The following ITPRID2 variants were observed in gnomAD, a reference collection of about 807,000 sequenced individuals.
The protein encoded by ITPRID2 is protein ITPRID2.
ITPRID2 carries 60 observed loss-of-function variants against 124.3 expected under a neutral mutation model. That is an observed-to-expected ratio of 0.48 (90% CI 0.39 to 0.60). The LOEUF (loss-of-function observed/expected upper bound fraction) is 0.60. Ranked by LOEUF, ITPRID2 falls within the 20% of genes least tolerant of loss-of-function variation. The pLI is 0.00. For synonymous variants in ITPRID2, 521 were observed against 542.9 expected (o/e 0.96, Z 0.56); for missense variants, 1,553 against 1,512.2 (o/e 1.03, Z -0.45).
At position 181,905,949 on chromosome 2, in the gene ITPRID2, T is replaced by C. The variant is rs150463178; in HGVS notation, c.1413+3483T>C. On this transcript the variant is annotated intron_variant, in intron 8 of 17. Coordinates refer to ENST00000431877, the MANE Select transcript of ITPRID2 (RefSeq NM_001130445.3). The surrounding 1 kb of genome is among the most constrained non-coding windows in gnomAD (Gnocchi z 4.1). ...CTCTAACATATGACATGCACAGATA[T>C]CTGCTACTCTAAAGCCCAATTAACC... Among the ~76,000 whole-genome samples the C allele has an allele frequency of 2.0e-3, 299 of 152,344 alleles. No individual in the cohort carries two copies. The highest frequency in any genetic ancestry group is 6.9e-3 in the African/African-American group (288 of 41,584).
In ITPRID2 at chr2:181,891,831, G is replaced by A. The variant is rs931704654; in HGVS notation, c.-236G>A. On this transcript the variant is annotated 5_prime_UTR_variant, in exon 1 of 18. Coordinates refer to ENST00000431877, the MANE Select transcript of ITPRID2 (RefSeq NM_001130445.3). ...CCAGCCGCGCTCCCTCGGGCCACTA[G>A]CGCTCCCGCGCGCGCCCGGCCGCCT... is the stretch of plus-strand genomic sequence containing the variant. 1 of 296,066 alleles carries A rather than the reference G, an allele frequency of 3.4e-6. No individual in the cohort carries two copies. Among genetic ancestry groups the A allele is most frequent in the African/African-American group, 1.9e-4 (1 of 5,354 alleles). The allele number at this position is 296,066 out of a possible 1,614,324, so 18.3% of individuals were successfully genotyped here.
At position 181,930,644 on chromosome 2, in the gene ITPRID2, T is replaced by C. The variant is rs1476635798; in HGVS notation, c.*1097T>C. The C allele has an allele frequency of 6.6e-6, 1 of 152,534 alleles. No individual in the cohort carries two copies. The highest frequency in any genetic ancestry group is 1.9e-4 in the East Asian group (1 of 5,202). 9.4% of individuals were successfully genotyped at this position (152,534 alleles called of 1,614,324 possible). The stretch of plus-strand genomic sequence containing the variant: ...TTGTTAACAGTGTTCTTTGAAAGAA[T>C]CTCTAAAAGGCTTATAAATGTTTGA... On this transcript the variant is annotated 3_prime_UTR_variant, in exon 18 of 18. Transcript: ENST00000431877.
In ITPRID2 at chr2:181,915,486, G is replaced by T; in HGVS notation, c.1846G>T (p.Asp616Tyr). The T allele has an allele frequency of 6.2e-7, 1 of 1,614,196 alleles. No homozygotes were observed. The part of the protein sequence containing the change: ...GTKQSTCSPG[D>Y]HIIEITEVEE... The stretch of plus-strand genomic sequence containing the variant: ...TAAACAGTCCACCTGTAGTCCAGGG[G>T]ATCATATCATTGAAATTACTGAAGT... Residue 616 changes from aspartate (D) to tyrosine (Y), a missense_variant, in exon 11 of 18, where the codon GAT (aspartate) becomes TAT (tyrosine). Asp to Tyr is a radical substitution (Grantham distance 160). Transcript: ENST00000431877.
chr2:181,891,788 CG>C lies in ITPRID2; in HGVS notation c.-276del, dbSNP rs1371275372. The C allele has an allele frequency of 4.2e-6, 1 of 236,602 alleles. No homozygotes were observed. The highest frequency in any genetic ancestry group is 8.1e-6 in the Non-Finnish European group (1 of 123,490). 14.7% of individuals were successfully genotyped at this position (236,602 alleles called of 1,614,324 possible). A position where few individuals can be genotyped will look rare whatever the true frequency, so the allele number is the denominator to read the frequency against. ...CAGGCAGGGGGTGGGGAGCAGGGGC[CG>C]GGCGGGCGCTCGGCTCCCAGCCGCG... is the stretch of plus-strand genomic sequence containing the variant. On this transcript the variant is annotated 5_prime_UTR_variant, in exon 1 of 18. Transcript: ENST00000431877.
Position 181,892,302 on chromosome 2 carries a change from G to T in ITPRID2, c.211+25G>T, listed in dbSNP as rs976516692. On this transcript the variant is annotated intron_variant, in intron 1 of 17. Coordinates refer to ENST00000431877, the MANE Select transcript of ITPRID2 (RefSeq NM_001130445.3). The surrounding 1 kb of genome is among the most constrained non-coding windows in gnomAD (Gnocchi z 5.2). The stretch of plus-strand genomic sequence containing the variant: ...GGTCGGTGCTCCCGGCCGGGCTCCG[G>T]GGGGAGGCTGGTGGGCTGGGGAGAG... 7 of 1,531,354 alleles carry T rather than the reference G, an allele frequency of 4.6e-6. No individual in the cohort carries two copies. Among genetic ancestry groups the T allele is most frequent in the South Asian group, 3.7e-5 (3 of 81,866 alleles). 94.9% of individuals were successfully genotyped at this position (1,531,354 alleles called of 1,614,324 possible). A position where few individuals can be genotyped will look rare whatever the true frequency, so the allele number is the denominator to read the frequency against.
In ITPRID2 at chr2:181,913,776, A is replaced by AT. The variant is rs1198826479; in HGVS notation, c.1487-69_1487-68insT. 18 of 1,102,312 alleles carry AT rather than the reference A, an allele frequency of 1.6e-5. No homozygotes were observed. In the African/African-American group the frequency reaches 2.5e-4, roughly 15 times the overall value. 68.3% of individuals were successfully genotyped at this position (1,102,312 alleles called of 1,614,324 possible). A position where few individuals can be genotyped will look rare whatever the true frequency, so the allele number is the denominator to read the frequency against. ...TCTCTGTAGTAATATTGCTCTCAGT[A>AT]ATTTCTTATAGCCACTTTTTTTATT... is the stretch of plus-strand genomic sequence containing the variant. On this transcript the variant is annotated intron_variant, in intron 9 of 17. Coordinates refer to ENST00000431877, the MANE Select transcript of ITPRID2 (RefSeq NM_001130445.3).
In ITPRID2 at chr2:181,902,498, G is replaced by A. The variant is rs1288404781; in HGVS notation, c.1413+32G>A. ...AAAAAATTACTGAGACTGGTTTCAA[G>A]TTGCAGACTAGGAAAAAAAGTACCA... On this transcript the variant is annotated intron_variant, in intron 8 of 17. Transcript: ENST00000431877. The surrounding 1 kb of genome is among the most constrained non-coding windows in gnomAD (Gnocchi z 4.4). 6.9e-7 allele frequency: 1 copy of A among 1,445,050 alleles called. No homozygotes were observed. The highest frequency in any genetic ancestry group is 9.2e-7 in the Non-Finnish European group (1 of 1,082,992). 89.5% of individuals were successfully genotyped at this position (1,445,050 alleles called of 1,614,324 possible). A position where few individuals can be genotyped will look rare whatever the true frequency, so the allele number is the denominator to read the frequency against.
chr2:181,917,115 A>G (rs932293644), intron 11 of ITPRID2: 1 of 558,060 alleles, frequency 1.8e-6, no homozygotes, highest in African/African-American at 2.0e-5. Context: ...TTTTGAAAAT[A>G]AGTACGTTGT....
chr2:181,913,916 T>C lies in ITPRID2; in HGVS notation c.1558T>C (p.Ser520Pro). Residue 520 changes from serine to proline, a missense_variant, in exon 10 of 18, where the codon TCC becomes CCC. By Grantham distance (74) the Ser-to-Pro change is moderately conservative (BLOSUM62 -1). Transcript: ENST00000431877. ...GFAEDSTDCLSLNHLQVQESL... is the reference protein window; with the variant it reads ...GFAEDSTDCLPLNHLQVQESL... ...TGCTGAAGATTCTACAGACTGCCTA[T>C]CCCTTAATCATCTTCAGGTAAAATT... 6.2e-7 allele frequency: 1 copy of C among 1,612,988 alleles called. No individual in the cohort carries two copies. The highest frequency in any genetic ancestry group is 8.5e-7 in the Non-Finnish European group (1 of 1,179,558).
chr2:181,922,102 A>G lies in ITPRID2; in HGVS notation c.3365A>G (p.His1122Arg), dbSNP rs376217312. ...ESSSVCSGPS[H>R]ANRRTGVPST... is the part of the protein sequence containing the mutation. The stretch of plus-strand genomic sequence containing the variant: ...TCTTCTGTATGTTCTGGTCCCTCTC[A>G]TGCTAACAGAAGAACTGGAGTACCT... The change falls in exon 16 of 18, where the codon CAT (histidine) becomes CGT (arginine). Residue 1122 changes from histidine (H) to arginine (R), a missense_variant. His to Arg is a conservative substitution (Grantham distance 29, BLOSUM62 0). Transcript: ENST00000431877. The G allele has an allele frequency of 1.2e-5, 19 of 1,614,096 alleles. No individual in the cohort carries two copies. The East Asian group carries it at 2.2e-4, about 19-fold the overall frequency.
intron 4 of ITPRID2, 126 bp from the exon 5 acceptor site, chr2:181,898,754 A>G (rs1209590757): frequency 1.7e-5 from 13 of 753,530 alleles, no homozygotes; most frequent in Middle Eastern, 7.5e-4. Flanking sequence ...ATGGACCAAG[A>G]TAAGTGTTTA....
chr2:181,920,315 G>C (rs1354909025), intron 14 of ITPRID2, among the ~76,000 whole-genome samples: 1 of 152,080 alleles, frequency 6.6e-6, no homozygotes, highest in Admixed American at 6.5e-5. Flanking sequence ...ACATGGTTTT[G>C]ATTTATCATT....
chr2:181,929,419 C>T, intron 17 of ITPRID2, 142 bp from the exon 18 acceptor site: 1 of 453,952 alleles, frequency 2.2e-6, no homozygotes, highest in Non-Finnish European at 3.9e-6. Flanking sequence ...AGAATTAACT[C>T]TCAGGAAGAT....
chr2:181,900,465 G>C (rs1307282335), intron 6 of ITPRID2, among the ~76,000 whole-genome samples: 1 of 152,134 alleles, frequency 6.6e-6, no homozygotes, highest in African/African-American at 2.4e-5. Flanking sequence ...GTTGGGGTTA[G>C]CTCTTTTCTG....
At chr2:181,913,415 A>G (rs953765692) in intron 9 of ITPRID2, among the ~76,000 whole-genome samples, 1 of 152,200 alleles carries the variant, frequency 6.6e-6, no homozygotes, top group Non-Finnish European at 1.5e-5. Flanking sequence ...TTTACACACT[A>G]TGCTCTCTAT....
chr2:181,902,605 T>A lies in ITPRID2; in HGVS notation c.1413+139T>A. 1.5e-6 allele frequency: 1 copy of A among 656,614 alleles called. No individual in the cohort carries two copies. Among genetic ancestry groups the A allele is most frequent in the Non-Finnish European group, 2.4e-6 (1 of 410,116 alleles). The allele number at this position is 656,614 out of a possible 1,614,324, so 40.7% of individuals were successfully genotyped here. A position where few individuals can be genotyped will look rare whatever the true frequency, so the allele number is the denominator to read the frequency against. On this transcript the variant is annotated intron_variant, in intron 8 of 17. Coordinates refer to ENST00000431877, the MANE Select transcript of ITPRID2 (RefSeq NM_001130445.3). The surrounding 1 kb of genome is among the most constrained non-coding windows in gnomAD (Gnocchi z 4.4). The stretch of plus-strand genomic sequence containing the variant: ...AATTTTGACTTTCCAGGTTTATGTT[T>A]CACAAACCAAGAATTGGTCTCAGGA...
intron 16 of ITPRID2, among the ~76,000 whole-genome samples, chr2:181,923,733 T>C (rs1248874854): frequency 6.6e-6 from 1 of 152,168 alleles, no homozygotes; most frequent in Admixed American, 6.5e-5. Flanking sequence ...TGCTTTGGTA[T>C]GAAAGTTTTC....
Position 181,922,181 on chromosome 2 carries a change from G to T in ITPRID2, c.3444G>T (p.Val1148=). 6.2e-7 allele frequency: 1 copy of T among 1,614,270 alleles called. No individual in the cohort carries two copies. Among genetic ancestry groups the T allele is most frequent in the Non-Finnish European group, 8.5e-7 (1 of 1,180,054 alleles). The part of the protein sequence containing the change: ...SKTPLVARKK[V]FRASVALTPT... ...CCCCATTAGTGGCAAGGAAGAAAGT[G>T]TTCCGAGCATCGGTGGCTCTAACGC... The change falls in exon 16 of 18, where the codon GTG becomes GTT. Residue 1148 remains valine (V), a synonymous_variant. Transcript: ENST00000431877.
chr2:181,918,799 G>A lies in ITPRID2; in HGVS notation c.2910G>A (p.Leu970=), dbSNP rs746197003. The A allele has an allele frequency of 1.6e-5, 26 of 1,614,014 alleles. No homozygotes were observed. The highest frequency in any genetic ancestry group is 2.0e-5 in the Non-Finnish European group (24 of 1,180,020). Residue 970 remains leucine (L), a synonymous_variant, in exon 13 of 18, where the codon TTG becomes TTA. Transcript: ENST00000431877. ...AGGTAATGAGGCGGAGCCTGAATTTGTTTAGAACACAAATGATGGATTTAG... is the reference window on the plus strand; with the variant it reads ...AGGTAATGAGGCGGAGCCTGAATTTATTTAGAACACAAATGATGGATTTAG... The part of the protein sequence containing the change: ...ELQVMRRSLN[L]FRTQMMDLEL...
Sources: allele counts gnomAD v4.1 joint callset (sites outside exome capture counted in the v4.1 genomes callset), GRCh38; gene constraint gnomAD v4.1.1; non-coding constraint Gnocchi (gnomAD v3.1); transcripts MANE v1.5; gene names NCBI Gene and HGNC (gene_info 2026-07-23, HGNC 2026-07-21).